IGF2R: variants seen among roughly 807,000 people sequenced by gnomAD.
IGF2R encodes cation-independent mannose-6-phosphate receptor.
Under a neutral mutation model 270.6 loss-of-function variants are expected in IGF2R, and 91 were observed. The ratio of observed to expected loss-of-function variants is 0.34; its 90% CI spans 0.28 to 0.40. The LOEUF is 0.40. Ranked by LOEUF, IGF2R falls within the 10% of genes least tolerant of loss-of-function variation. IGF2R has a pLI of 1.00. For synonymous variants in IGF2R, 1,316 were observed against 1,258.9 expected (o/e 1.05, Z -0.96); for missense variants, 2,805 against 3,188.3 (o/e 0.88, Z 2.90).
chr6:160,011,608 G>T (rs1456273681), intron 4 of IGF2R, among the ~76,000 whole-genome samples: 4 of 135,628 alleles, frequency 2.9e-5, no homozygotes, highest in Admixed American at 2.5e-4. Flanking sequence ...TGATACGCAA[G>T]AATAAATTAC....
At chr6:160,040,819 C>A in intron 11 of IGF2R, 95 bp downstream of exon 11, 1 of 1,310,412 alleles carries the variant, frequency 7.6e-7, no homozygotes, top group Non-Finnish European at 1.1e-6. Context: ...TTTTCTTTGT[C>A]AGTGGGTTGC....
rs144824346 is a variant in IGF2R at position 160,068,173 on chromosome 6, C to T, written c.4116-76C>T. 2.8e-4 allele frequency: 403 copies of T among 1,461,756 alleles called. 2 individuals carry two copies. The Middle Eastern group carries it at 6.5e-3, about 24-fold the overall frequency. 90.5% of individuals were successfully genotyped at this position (1,461,756 alleles called of 1,614,324 possible). A position where few individuals can be genotyped will look rare whatever the true frequency, so the allele number is the denominator to read the frequency against. ...CTTAGACTATGCCTGAATACTTGAA[C>T]GTTTCTAGACAGAGTGCCCAATGTT... On this transcript the variant is annotated intron_variant, in intron 29 of 47. Transcript: ENST00000356956.
chr6:160,103,232 TGGTCAGAAA>T (rs1452250251), intron 46 of IGF2R, among the ~76,000 whole-genome samples: 1 of 149,596 alleles, frequency 6.7e-6, no homozygotes, highest in Non-Finnish European at 1.5e-5. Context: ...ATGAGAGAGG[TGGTCAGAAA>T]GTACCAACCA....
In IGF2R at chr6:160,047,888, G is replaced by C; in HGVS notation, c.2326G>C (p.Glu776Gln). 1.2e-6 allele frequency: 2 copies of C among 1,612,136 alleles called. No individual in the cohort carries two copies. The highest frequency in any genetic ancestry group is 8.5e-7 in the Non-Finnish European group (1 of 1,178,304). Reference protein sequence around the residue: ...ECVVTDPSTLEQYDLSSLAKS... With the variant: ...ECVVTDPSTLQQYDLSSLAKS... ...CGTAGTGACCGACCCCTCCACGCTG[G>C]AGCAGTACGACCTCTCCAGGTGAGG... The change falls in exon 17 of 48, where the codon GAG becomes CAG. Residue 776 changes from glutamate (E) to glutamine (Q), a missense_variant. Transcript: ENST00000356956.
rs1779663077 is a variant in IGF2R, at chr6:160,108,159, T to G, written c.*3075T>G. ...CATGGCTCAGGGAGGTACACTCATG[T>G]CCTTTCTTACTTCTCCGGTTCCACT... On this transcript the variant is annotated 3_prime_UTR_variant, in exon 48 of 48. Transcript: ENST00000356956. 6.6e-6 allele frequency: 1 copy of G among 152,278 alleles called. No homozygotes were observed. The highest frequency in any genetic ancestry group is 6.5e-5 in the Admixed American group (1 of 15,278). The allele number at this position is 152,278 out of a possible 1,614,324, so 9.4% of individuals were successfully genotyped here. A position where few individuals can be genotyped will look rare whatever the true frequency, so the allele number is the denominator to read the frequency against.
Position 160,075,853 on chromosome 6 carries a change from G to C in IGF2R, c.5173G>C (p.Gly1725Arg). The change falls in exon 36 of 48, where the codon GGC becomes CGC. Residue 1725 changes from glycine to arginine, a missense_variant. Physicochemically the swap from Gly to Arg is moderately radical, Grantham distance 125. Coordinates refer to ENST00000356956, the MANE Select transcript of IGF2R (RefSeq NM_000876.4). Reference sequence around the variant, plus strand: ...GCCCTCGCTCTTTGTTTAGGATATCGGCCGGGTAGCAGGACCACCAATACT... The same window carrying C: ...GCCCTCGCTCTTTGTTTAGGATATCCGCCGGGTAGCAGGACCACCAATACT... ...VPIDGPPIDIGRVAGPPILNP... is the reference protein window; with the variant it reads ...VPIDGPPIDIRRVAGPPILNP... The C allele has an allele frequency of 6.2e-7, 1 of 1,613,272 alleles. No individual in the cohort carries two copies.
chr6:160,065,774 A>ATGTGTGTG (rs1491127323), intron 29 of IGF2R, among the ~76,000 whole-genome samples: 1 of 126,404 alleles, frequency 7.9e-6, no homozygotes, highest in African/African-American at 3.2e-5. Context: ...TTTCCTAGAG[A>ATGTGTGTG]TATGTGTATG....
chr6:160,058,209 G>A, intron 21 of IGF2R, 85 bp downstream of exon 21: 1 of 879,846 alleles, frequency 1.1e-6, no homozygotes, highest in South Asian at 1.4e-5. Context: ...GGTGATATGA[G>A]AGAATTGCCC....
intron 1 of IGF2R, among the ~76,000 whole-genome samples, chr6:159,980,240 G>GAAAGAAAAGAAAGAAAGA (rs1562330732): frequency 3.7e-5 from 4 of 106,768 alleles, no homozygotes; most frequent in Admixed American, 9.1e-5. Flanking sequence ...AGAAAGAAAG[G>GAAAGAAAAGAAAGAAAGA]TACATGGAAG....
chr6:160,103,674 G>A, intron 46 of IGF2R, 72 bp from the exon 47 acceptor site: 2 of 1,039,586 alleles, frequency 1.9e-6, no homozygotes, highest in Non-Finnish European at 1.5e-6. Context: ...TGGGGGTGGG[G>A]CTGGCGGGGG....
intron 2 of IGF2R, among the ~76,000 whole-genome samples, chr6:159,997,135 GCACAGGC>G (rs991917662): frequency 2.2e-4 from 33 of 152,216 alleles, no homozygotes; most frequent in African/African-American, 7.7e-4. Flanking sequence ...ACTGCATGTG[GCACAGGC>G]CACAAGCCAT....
chr6:160,017,820 G>A (rs1777341283), intron 4 of IGF2R, among the ~76,000 whole-genome samples: 1 of 152,144 alleles, frequency 6.6e-6, no homozygotes, highest in African/African-American at 2.4e-5. Flanking sequence ...GAGGGAATTT[G>A]TCAGTACTAG....
At chr6:160,055,387 G>T (rs899041409) in intron 19 of IGF2R, among the ~76,000 whole-genome samples, 1 of 152,126 alleles carries the variant, frequency 6.6e-6, no homozygotes, top group African/African-American at 2.4e-5. Flanking sequence ...TCACATTGTT[G>T]TCGTGTCTCT....
chr6:160,061,971 T>TC, intron 25 of IGF2R, 43 bp downstream of exon 25: 1 of 1,568,668 alleles, frequency 6.4e-7, no homozygotes, highest in Non-Finnish European at 8.8e-7. Context: ...CCCGGGTGAC[T>TC]CCATTTCCCA....
At chr6:160,081,189 C>T (rs1034880623) in intron 39 of IGF2R, among the ~76,000 whole-genome samples, 7 of 151,784 alleles carry the variant, frequency 4.6e-5, no homozygotes, top group Non-Finnish European at 7.4e-5. Context: ...AACCAGCCCC[C>T]GATTTTTCAA....
Position 160,072,867 on chromosome 6 carries a change from A to G in IGF2R, c.4673A>G (p.Asn1558Ser). 6.2e-7 allele frequency: 1 copy of G among 1,613,464 alleles called. No homozygotes were observed. The highest frequency in any genetic ancestry group is 1.1e-5 in the South Asian group (1 of 91,002). ...VYMSICGENE[N>S]CPPGVGACFG... is the part of the protein sequence containing the mutation. ...ATGAGCATCTGTGGGGAGAATGAAA[A>G]CTGCCCTCCTGGCGTGGGTGAGTGC... Residue 1558 changes from asparagine (N) to serine (S), a missense_variant, in exon 33 of 48, where the codon AAC becomes AGC. This residue lies in a region of IGF2R where 1,851 missense variants were observed against 2,207.2 expected (regional missense o/e 0.84). Transcript: ENST00000356956.
At chr6:159,977,485 C>A (rs184818167) in intron 1 of IGF2R, among the ~76,000 whole-genome samples, 2 of 138,456 alleles carry the variant, frequency 1.4e-5, no homozygotes, top group Non-Finnish European at 3.1e-5. Context: ...AATGTCACCC[C>A]CAAGCGCTGT....
chr6:160,040,769 G>A, intron 11 of IGF2R, 45 bp downstream of exon 11: 2 of 1,562,246 alleles, frequency 1.3e-6, no homozygotes, highest in Non-Finnish European at 1.7e-6. Context: ...CATGCTCATG[G>A]AACATTTTCC....
At position 160,060,731 on chromosome 6, in the gene IGF2R, G is replaced by A; in HGVS notation, c.3262+14G>A. ...GCCAAGTCACCGGTAAGGCCGTGCG[G>A]CCTAAGAACTGAGAGGCCGGTCAAG... is the stretch of plus-strand genomic sequence containing the variant. On this transcript the variant is annotated intron_variant, in intron 23 of 47. Transcript: ENST00000356956. 2 of 1,613,840 alleles carry A rather than the reference G, an allele frequency of 1.2e-6. No homozygotes were observed. Among genetic ancestry groups the A allele is most frequent in the Non-Finnish European group, 1.7e-6 (2 of 1,179,738 alleles).
Sources: allele counts gnomAD v4.1 joint callset (sites outside exome capture counted in the v4.1 genomes callset), GRCh38; gene constraint gnomAD v4.1.1; regional missense constraint gnomAD v4.1.1; transcripts MANE v1.5; gene names NCBI Gene and HGNC (gene_info 2026-07-23, HGNC 2026-07-21).